The following WWOX variants were observed in gnomAD, a reference collection of about 807,000 sequenced individuals.
WWOX encodes the protein WW domain-containing oxidoreductase.
A neutral mutation model predicts 46.2 loss-of-function variants in WWOX; 69 were observed. The ratio of observed to expected loss-of-function variants is 1.49; its 90% CI spans 1.23 to 1.82. WWOX has a LOEUF of 1.82. Among genes scored for constraint, WWOX ranks in the 40% most tolerant of loss-of-function variants. WWOX has a pLI of 0.00. For missense variants in WWOX, 919 were observed against 542.6 expected (o/e 1.69, Z -6.89); for synonymous variants, 359 against 202.6 (o/e 1.77, Z -6.56).
At chr16:78,431,644 C>T (rs778101614) in intron 7 of WWOX, among the ~76,000 whole-genome samples, 3 of 149,890 alleles carry the variant, frequency 2.0e-5, no homozygotes, top group Non-Finnish European at 4.4e-5. Context: ...AGGACTGCTA[C>T]ATTTATGAGT....
chr16:79,065,656 A>T (rs12325126), intron 8 of WWOX, among the ~76,000 whole-genome samples: 358 of 152,290 alleles, frequency 2.4e-3, no homozygotes, highest in African/African-American at 7.7e-3. Flanking sequence ...AGCTGAATTC[A>T]GACCCCTCTC....
At chr16:78,777,359 A>C (rs777933864) in intron 8 of WWOX, among the ~76,000 whole-genome samples, 8 of 152,212 alleles carry the variant, frequency 5.3e-5, no homozygotes, top group Admixed American at 3.9e-4. Flanking sequence ...GCTACTGAGC[A>C]CTTGAAACGT....
chr16:78,571,959 G>A (rs1247214072), intron 8 of WWOX, among the ~76,000 whole-genome samples: 2 of 152,160 alleles, frequency 1.3e-5, no homozygotes, highest in Non-Finnish European at 2.9e-5. Context: ...AACAAGCACT[G>A]GAAGGATGTG....
chr16:78,654,223 GC>G (rs1180148949), intron 8 of WWOX, among the ~76,000 whole-genome samples: 4 of 152,194 alleles, frequency 2.6e-5, no homozygotes, highest in Non-Finnish European at 5.9e-5. Context: ...AGAGCTCACA[GC>G]CCTGAAAACC....
intron 8 of WWOX, among the ~76,000 whole-genome samples, chr16:79,002,769 G>A (rs928857751): frequency 6.6e-6 from 1 of 152,040 alleles, no homozygotes; most frequent in Admixed American, 6.5e-5. Flanking sequence ...GTCTATAAGG[G>A]GAAAAGACAG....
chr16:78,202,408 C>G (rs903641703), intron 5 of WWOX, among the ~76,000 whole-genome samples: 4 of 152,224 alleles, frequency 2.6e-5, no homozygotes, highest in African/African-American at 9.6e-5. Flanking sequence ...TTCCGTCGAT[C>G]TGGCTTTATC....
chr16:78,776,869 TG>T (rs1362799202), intron 8 of WWOX, among the ~76,000 whole-genome samples: 1 of 152,034 alleles, frequency 6.6e-6, no homozygotes, highest in Non-Finnish European at 1.5e-5. Flanking sequence ...AAGAATAGAA[TG>T]GGGGAACCAC....
At chr16:78,973,609 A>G (rs571965252) in intron 8 of WWOX, among the ~76,000 whole-genome samples, 1 of 152,280 alleles carries the variant, frequency 6.6e-6, no homozygotes, top group African/African-American at 2.4e-5. Context: ...CTCAAACTGT[A>G]GGAGGACCAA....
intron 8 of WWOX, among the ~76,000 whole-genome samples, chr16:79,078,920 G>A (rs186286742): frequency 8.5e-5 from 13 of 152,234 alleles, no homozygotes; most frequent in Admixed American, 7.2e-4. Flanking sequence ...TCCCTGTTAG[G>A]CCTCTCCCAA....
intron 8 of WWOX, among the ~76,000 whole-genome samples, chr16:78,564,609 A>G (rs968895280): frequency 2.6e-5 from 4 of 152,056 alleles, no homozygotes; most frequent in South Asian, 2.1e-4. Flanking sequence ...TAAGCAATCA[A>G]TTTCTTTTTA....
chr16:78,614,146 A>G (rs1185600788), intron 8 of WWOX, among the ~76,000 whole-genome samples: 1 of 152,228 alleles, frequency 6.6e-6, no homozygotes, highest in African/African-American at 2.4e-5. Flanking sequence ...ATGAATGAAT[A>G]TTCACACTCA....
intron 5 of WWOX, among the ~76,000 whole-genome samples, chr16:78,173,135 G>C (rs2035217515): frequency 6.6e-6 from 1 of 152,198 alleles, no homozygotes; most frequent in Admixed American, 6.5e-5. Flanking sequence ...GTTTATTTTA[G>C]ACAAATATTT....
chr16:78,217,010 A>T (rs2036744424), intron 5 of WWOX, among the ~76,000 whole-genome samples: 1 of 152,196 alleles, frequency 6.6e-6, no homozygotes, highest in South Asian at 2.1e-4. Flanking sequence ...GGTGTGAGCC[A>T]CCACACCCAG....
intron 6 of WWOX, among the ~76,000 whole-genome samples, chr16:78,399,362 A>G (rs140440638): frequency 6.6e-5 from 10 of 152,296 alleles, no homozygotes; most frequent in Non-Finnish European, 1.2e-4. Flanking sequence ...GTTGTATGTA[A>G]TCGTAGTTAC....
chr16:78,177,124 C>G (rs115353270), intron 5 of WWOX, among the ~76,000 whole-genome samples: 181 of 152,280 alleles, frequency 1.2e-3, no homozygotes, highest in African/African-American at 4.2e-3. Context: ...AAGCATGGCT[C>G]AACAGTTCTC....
rs548172708 is a variant in WWOX at position 78,731,688 on chromosome 16, CATT to C, written c.1056+298940_1056+298942del. Among the ~76,000 whole-genome samples, 45 of 152,208 alleles carry C rather than the reference CATT, an allele frequency of 3.0e-4. No individual in the cohort carries two copies. In the South Asian group the frequency reaches 9.2e-3, roughly 31 times the overall value. On this transcript the variant is annotated intron_variant, in intron 8 of 8. Transcript: ENST00000566780. ...GTGTATGATCAAGCATCGTCATGAT[CATT>C]ATTGACTGGAAAGCCTGTAAGAAGA...
intron 5 of WWOX, among the ~76,000 whole-genome samples, chr16:78,358,562 G>A (rs2081344403): frequency 6.6e-6 from 1 of 152,152 alleles, no homozygotes; most frequent in South Asian, 2.1e-4. Context: ...GGAAGCTGAG[G>A]ACTGAGAATC....
intron 8 of WWOX, among the ~76,000 whole-genome samples, chr16:78,827,681 A>AT (rs1053188294): frequency 5.3e-5 from 8 of 151,714 alleles, no homozygotes; most frequent in Non-Finnish European, 1.0e-4. Flanking sequence ...AAAAATAAAA[A>AT]AAAAAAAAAA....
chr16:78,375,351 A>C (rs755351125), intron 5 of WWOX, among the ~76,000 whole-genome samples: 1 of 152,224 alleles, frequency 6.6e-6, no homozygotes, highest in Non-Finnish European at 1.5e-5. Context: ...CAAATGGCTT[A>C]TGGTAAGTTG....
Sources: gnomAD v4.1 joint callset for allele counts (sites outside exome capture counted in the v4.1 genomes callset) on GRCh38, gnomAD v4.1.1 for gene constraint, MANE v1.5 for transcripts, NCBI Gene and HGNC (gene_info 2026-07-23, HGNC 2026-07-21) for gene names.